Variants in USP40 observed in about 807,000 individuals in gnomAD.
The protein encoded by USP40 is ubiquitin specific peptidase 40.
In USP40, 143 loss-of-function variants were observed where a neutral mutation model predicts 166.2. That is an observed-to-expected ratio of 0.86 (90% CI 0.75 to 0.99). The LOEUF is 0.99. USP40 is among the 50% of genes least tolerant of loss of function. The probability of loss-of-function intolerance (pLI) is 0.00; values close to 1 mark genes in which losing one functional copy is unlikely to be tolerated. For missense variants in USP40, 1,444 were observed against 1,479.7 expected (o/e 0.98, Z 0.40); for synonymous variants, 498 against 524.0 (o/e 0.95, Z 0.68).
intron 6 of USP40, among the ~76,000 whole-genome samples, chr2:233,552,254 A>G (rs2070644107): frequency 6.6e-6 from 1 of 151,850 alleles, no homozygotes; most frequent in South Asian, 2.1e-4. Flanking sequence ...CCCCAGCAAT[A>G]TAACAACATG....
chr2:233,478,720 C>T (rs2064342233), intron 31 of USP40, among the ~76,000 whole-genome samples: 1 of 152,152 alleles, frequency 6.6e-6, no homozygotes. Context: ...TGTGGTCTAC[C>T]CATGCATCAG....
intron 4 of USP40, among the ~76,000 whole-genome samples, chr2:233,557,659 C>T (rs1046887342): frequency 1.3e-5 from 2 of 151,692 alleles, no homozygotes; most frequent in Non-Finnish European, 2.9e-5. Flanking sequence ...AGAGTGAGGC[C>T]CCAGGAAGCA....
intron 25 of USP40, among the ~76,000 whole-genome samples, chr2:233,491,630 GTGTGTC>G (rs773982551): frequency 2.1e-5 from 3 of 143,670 alleles, no homozygotes; most frequent in Non-Finnish European, 3.1e-5. Flanking sequence ...GTGTGTGTGT[GTGTGTC>G]TGTCTGTCTG....
At chr2:233,548,425 C>T (rs945078451) in intron 8 of USP40, among the ~76,000 whole-genome samples, 3 of 152,126 alleles carry the variant, frequency 2.0e-5, no homozygotes, top group African/African-American at 7.2e-5. Context: ...TAAATCAATG[C>T]TCATTTTATT....
intron 30 of USP40, among the ~76,000 whole-genome samples, chr2:233,482,552 G>A (rs2125031017): frequency 6.6e-6 from 1 of 151,322 alleles, no homozygotes; most frequent in South Asian, 2.1e-4. Flanking sequence ...GCTCTCCAGA[G>A]TAGCTGTACC....
At chr2:233,481,033 C>A (rs1046647129) in intron 31 of USP40, among the ~76,000 whole-genome samples, 170 bp downstream of exon 31, 12 of 152,030 alleles carry the variant, frequency 7.9e-5, no homozygotes, top group African/African-American at 2.7e-4. Context: ...AGGAGGCACT[C>A]AAGGAGAGGA....
chr2:233,506,495 T>C (rs2066424113), intron 21 of USP40, among the ~76,000 whole-genome samples: 2 of 152,096 alleles, frequency 1.3e-5, no homozygotes, highest in Non-Finnish European at 2.9e-5. Context: ...CAAAAGAACA[T>C]AGACAAATGG....
At chr2:233,503,302 T>G (rs562190400) in intron 21 of USP40, among the ~76,000 whole-genome samples, 2 of 152,284 alleles carry the variant, frequency 1.3e-5, no homozygotes, top group Non-Finnish European at 2.9e-5. Context: ...GAACAAGTTT[T>G]CTCATTGTAG....
chr2:233,536,116 CA>C (rs1399930118), intron 10 of USP40, among the ~76,000 whole-genome samples: 6 of 151,834 alleles, frequency 4.0e-5, no homozygotes, highest in Non-Finnish European at 7.4e-5. Context: ...ATGGTCAATT[CA>C]AAAGAGAATA....
rs187455658 is a variant in USP40 at position 233,561,125 on chromosome 2, C to T, written c.268-1201G>A. 201 of 1,555,620 alleles carry T rather than the reference C, an allele frequency of 1.3e-4. No individual in the cohort carries two copies. The East Asian group carries it at 1.9e-3, about 15-fold the overall frequency. On this transcript the variant is annotated intron_variant, in intron 3 of 31. Transcript: ENST00000678225. ...TTCTTTAAAAAAAATTTTCTGAATACGCTAAAACACCCCAGTAAATCATAG... is the reference window on the plus strand; with the variant it reads ...TTCTTTAAAAAAAATTTTCTGAATATGCTAAAACACCCCAGTAAATCATAG...
intron 8 of USP40, among the ~76,000 whole-genome samples, chr2:233,543,447 C>T (rs1220544227): frequency 6.6e-6 from 1 of 152,166 alleles, no homozygotes; most frequent in Non-Finnish European, 1.5e-5. Context: ...GATGAGGCCT[C>T]CAGATGTGCA....
chr2:233,496,265 G>A (rs2065745709), intron 24 of USP40, among the ~76,000 whole-genome samples: 2 of 152,188 alleles, frequency 1.3e-5, no homozygotes, highest in Non-Finnish European at 2.9e-5. Context: ...GTAGTGCTAT[G>A]CGATGCTTAC....
Position 233,512,625 on chromosome 2 carries a change from A to G in USP40, c.2384-3T>C. ...AGGTCTCAAACAGCTGTTGTCAGCT[A>G]TATATAAAAGGAATATTATTTTTCT... On this transcript the variant is annotated splice_polypyrimidine_tract_variant and splice_region_variant and intron_variant, in intron 18 of 31. Transcript: ENST00000678225. 7.6e-7 allele frequency: 1 copy of G among 1,310,584 alleles called. No individual in the cohort carries two copies. The highest frequency in any genetic ancestry group is 1.0e-6 in the Non-Finnish European group (1 of 969,508). The allele number at this position is 1,310,584 out of a possible 1,614,324, so 81.2% of individuals were successfully genotyped here.
At chr2:233,554,880 A>C (rs1057156889) in intron 5 of USP40, among the ~76,000 whole-genome samples, 1 of 152,204 alleles carries the variant, frequency 6.6e-6, no homozygotes, top group Non-Finnish European at 1.5e-5. Flanking sequence ...ACTAGACTAT[A>C]AGAGCAAGGG....
At chr2:233,564,586 A>C (rs1405120129) in intron 2 of USP40, among the ~76,000 whole-genome samples, 1 of 152,152 alleles carries the variant, frequency 6.6e-6, no homozygotes, top group Non-Finnish European at 1.5e-5. Context: ...CCCCCCTTTT[A>C]AATTTAGCTA....
intron 22 of USP40, among the ~76,000 whole-genome samples, chr2:233,498,858 T>G (rs1055792683): frequency 6.6e-6 from 1 of 152,214 alleles, no homozygotes; most frequent in Non-Finnish European, 1.5e-5. Flanking sequence ...AGATTTATTT[T>G]TTTCATTCAT....
At position 233,510,392 on chromosome 2, in the gene USP40, C is replaced by CTTTT. The variant is rs1158427662; in HGVS notation, c.2527-261_2527-258dup. ...CCACATACACTACTTCTTTTTCTTT[C>CTTTT]TTTTTTTTTTTTTTTTTTTTTTTTT... On this transcript the variant is annotated intron_variant, in intron 20 of 31. Transcript: ENST00000678225. Among the ~76,000 whole-genome samples, 595 of 68,624 alleles carry CTTTT rather than the reference C, an allele frequency of 8.7e-3. 5 individuals carry two copies. Among genetic ancestry groups the CTTTT allele is most frequent in the Middle Eastern group, 0.023 (2 of 86 alleles). The allele number at this position is 68,624 out of a possible 152,430, so 45.0% of individuals were successfully genotyped here. A position where few individuals can be genotyped will look rare whatever the true frequency, so the allele number is the denominator to read the frequency against.
intron 24 of USP40, among the ~76,000 whole-genome samples, chr2:233,495,266 T>C (rs1271368244): frequency 4.0e-5 from 6 of 151,892 alleles, no homozygotes; most frequent in African/African-American, 1.4e-4. Flanking sequence ...AATAAATCTG[T>C]GTATGTGTGG....
chr2:233,524,573 A>G lies in USP40; in HGVS notation c.1811-11T>C. 6.3e-7 allele frequency: 1 copy of G among 1,583,106 alleles called. No homozygotes were observed. Among genetic ancestry groups the G allele is most frequent in the Non-Finnish European group, 8.6e-7 (1 of 1,165,058 alleles). ...GTGTCAGTTCATCCCCTAGAAAGAGATCACCAGTGAGACCATTCATCATGA... is the reference window on the plus strand; with the variant it reads ...GTGTCAGTTCATCCCCTAGAAAGAGGTCACCAGTGAGACCATTCATCATGA... On this transcript the variant is annotated splice_polypyrimidine_tract_variant and intron_variant, in intron 14 of 31. Coordinates refer to ENST00000678225, the MANE Select transcript of USP40 (RefSeq NM_001365479.2).
Sources: gnomAD v4.1 joint callset for allele counts (sites outside exome capture counted in the v4.1 genomes callset) on GRCh38, gnomAD v4.1.1 for gene constraint, MANE v1.5 for transcripts, NCBI Gene and HGNC (gene_info 2026-07-23, HGNC 2026-07-21) for gene names.